ABHD15: variants seen among roughly 807,000 people sequenced by gnomAD.
ABHD15 encodes the protein abhydrolase domain containing 15.
In ABHD15, 34 loss-of-function variants were observed where a neutral mutation model predicts 34.4. The observed-to-expected ratio is 0.99, with a 90% CI of 0.75 to 1.32. ABHD15 has a LOEUF of 1.32. Ranked by LOEUF, ABHD15 falls within the 40% of genes most tolerant of loss-of-function variation. The probability of loss-of-function intolerance (pLI) is 0.00; values close to 1 mark genes in which losing one functional copy is unlikely to be tolerated. For synonymous variants in ABHD15, 314 were observed against 299.2 expected, an observed-to-expected ratio of 1.05 and a Z score of -0.51; for missense variants, 644 against 650.4, an observed-to-expected ratio of 0.99 and a Z score of 0.11.
At chr17:29,566,009 T>C (rs957163168) in intron 1 of ABHD15, 77 bp downstream of exon 1, 7 of 1,493,438 alleles carry the variant, frequency 4.7e-6, no homozygotes, top group Non-Finnish European at 6.2e-6. Context: ...TCCAATGCTA[T>C]GCATAGCTGT....
rs1428772065 is a variant in ABHD15 at position 29,566,923 on chromosome 17, A to G, written c.44T>C (p.Leu15Pro). Residue 15 changes from leucine to proline, a missense_variant, in exon 1 of 2, where the codon CTC becomes CCC. Coordinates refer to ENST00000307201, the MANE Select transcript of ABHD15 (RefSeq NM_198147.3). ...CGGGCCGAGCAGGCCGAGAAGGGCGAGCACGGCCAAGATGAGCGCGAGGGC... is the reference window on the plus strand; with the variant it reads ...CGGGCCGAGCAGGCCGAGAAGGGCGGGCACGGCCAAGATGAGCGCGAGGGC... ...GAALALILAV[L>P]ALLGLLGPRL... 2.7e-6 allele frequency: 4 copies of G among 1,482,010 alleles called. No homozygotes were observed. In the Admixed American group the frequency reaches 7.0e-5, roughly 26 times the overall value. The allele number at this position is 1,482,010 out of a possible 1,614,324, so 91.8% of individuals were successfully genotyped here.
At position 29,562,920 on chromosome 17, in the gene ABHD15, CG is replaced by C. The variant is rs1207314648; in HGVS notation, c.1047del (p.Val350CysfsTer21). 6.2e-7 allele frequency: 1 copy of C among 1,614,090 alleles called. No homozygotes were observed. Among genetic ancestry groups the C allele is most frequent in the East Asian group, 2.2e-5 (1 of 44,886 alleles). On this transcript the variant is annotated frameshift_variant, in exon 2 of 2. Transcript: ENST00000307201. LOFTEE classifies it high-confidence loss of function. The part of the protein sequence containing the change: ...NDPLRDVDEA[A>X]VPVLCICSAD... ...GCACTGCAGATACACAGCACAGGCACGGCTGCCTCATCGACATCCCGGAGCG... is the reference window on the plus strand; with the variant it reads ...GCACTGCAGATACACAGCACAGGCACGCTGCCTCATCGACATCCCGGAGCG...
At position 29,562,659 on chromosome 17, in the gene ABHD15, C is replaced by T. The variant is rs146551867; in HGVS notation, c.1309G>A (p.Gly437Arg). The T allele has an allele frequency of 6.2e-6, 10 of 1,613,990 alleles. No homozygotes were observed. In the African/African-American group the frequency reaches 1.3e-4, roughly 22 times the overall value. ...GLSRHRASFLGGRRRGGALQR... is the reference protein window; with the variant it reads ...GLSRHRASFLRGRRRGGALQR... ...AAGGCTCCCCCACGACGACGGCCCC[C>T]AAGGAAGGAAGCTCTGTGCCTGCTC... Residue 437 changes from glycine to arginine, a missense_variant, in exon 2 of 2, where the codon GGG (glycine) becomes AGG (arginine). Physicochemically the swap from Gly to Arg is moderately radical, Grantham distance 125. Coordinates refer to ENST00000307201, the MANE Select transcript of ABHD15 (RefSeq NM_198147.3).
rs1667070023 is a variant in ABHD15, at chr17:29,562,342, T to C, written c.*219A>G. ...GCTGCTGACCGGATGAGTAGGGATA[T>C]GTTGAGCAGAGGCCAGGCAGGAGTT... On this transcript the variant is annotated 3_prime_UTR_variant, in exon 2 of 2. Transcript: ENST00000307201. The C allele has an allele frequency of 2.0e-6, 1 of 499,814 alleles. No homozygotes were observed. The highest frequency in any genetic ancestry group is 3.6e-5 in the South Asian group (1 of 27,908). The allele number at this position is 499,814 out of a possible 1,614,324, so 31.0% of individuals were successfully genotyped here.
At position 29,562,404 on chromosome 17, in the gene ABHD15, T is replaced by A. The variant is rs748350698; in HGVS notation, c.*157A>T. The A allele has an allele frequency of 1.8e-5, 15 of 816,112 alleles. No individual in the cohort carries two copies. Among genetic ancestry groups the A allele is most frequent in the Non-Finnish European group, 2.7e-5 (14 of 523,804 alleles). 50.6% of individuals were successfully genotyped at this position (816,112 alleles called of 1,614,324 possible). On this transcript the variant is annotated 3_prime_UTR_variant, in exon 2 of 2. Transcript: ENST00000307201. Reference sequence around the variant, plus strand: ...GAAGTGAGTGCAGGCTCGCAGGACGTTCCTTCTCTTTCAAGGCACCAATTT... The same window carrying A: ...GAAGTGAGTGCAGGCTCGCAGGACGATCCTTCTCTTTCAAGGCACCAATTT...
rs2032638711 is a variant in ABHD15, at chr17:29,562,471, C to T, written c.*90G>A. 2 of 1,412,274 alleles carry T rather than the reference C, an allele frequency of 1.4e-6. No homozygotes were observed. Among genetic ancestry groups the T allele is most frequent in the South Asian group, 1.4e-5 (1 of 71,806 alleles). 87.5% of individuals were successfully genotyped at this position (1,412,274 alleles called of 1,614,324 possible). On this transcript the variant is annotated 3_prime_UTR_variant, in exon 2 of 2. Coordinates refer to ENST00000307201, the MANE Select transcript of ABHD15 (RefSeq NM_198147.3). ...ATGAGGAGCACAGAGCTGGAGCTCCCTCTGTTCAGTCCGCCCCATCTTTCC... is the reference window on the plus strand; with the variant it reads ...ATGAGGAGCACAGAGCTGGAGCTCCTTCTGTTCAGTCCGCCCCATCTTTCC...
rs968457352 is a variant in ABHD15, at chr17:29,561,701, T to C, written c.*860A>G. 6.6e-6 allele frequency: 1 copy of C among 152,576 alleles called. No homozygotes were observed. The highest frequency in any genetic ancestry group is 6.5e-5 in the Admixed American group (1 of 15,276). The allele number at this position is 152,576 out of a possible 1,614,324, so 9.5% of individuals were successfully genotyped here. A position where few individuals can be genotyped will look rare whatever the true frequency, so the allele number is the denominator to read the frequency against. The stretch of plus-strand genomic sequence containing the variant: ...CTTTTCCTGACTTAGAGAAAGTCCA[T>C]ATCTCAGGAGATAAACAGTTCTGGC... On this transcript the variant is annotated 3_prime_UTR_variant, in exon 2 of 2. Transcript: ENST00000307201.
rs1329597444 is a variant in ABHD15 at position 29,566,241 on chromosome 17, C to G, written c.726G>C (p.Leu242=). The change falls in exon 1 of 2, where the codon CTG becomes CTC. Residue 242 remains leucine (L), a synonymous_variant. Coordinates refer to ENST00000307201, the MANE Select transcript of ABHD15 (RefSeq NM_198147.3). ...CGCACTCGCCCAGGTAGGACAGGAG[C>G]AGCGCCGAGCCCGAGCCTTCGCTCA... ...FAVSEGSGSA[L]LLSYLGECGS... 6.2e-7 allele frequency: 1 copy of G among 1,610,558 alleles called. No homozygotes were observed.
intron 1 of ABHD15, among the ~76,000 whole-genome samples, chr17:29,563,390 A>G (rs1441560481): frequency 6.6e-6 from 1 of 151,694 alleles, no homozygotes; most frequent in African/African-American, 2.4e-5. Flanking sequence ...TCTCTAAAAA[A>G]AAAAAAAAAA....
chr17:29,566,711 C>A lies in ABHD15; in HGVS notation c.256G>T (p.Ala86Ser). ...PSALAQCLLR[A>S]LRRSEALEAG... Reference sequence around the variant, plus strand: ...TCCAGCGCCTCTGAGCGCCGCAGGGCGCGCAGCAGGCACTGGGCCAGGGCC... The same window carrying A: ...TCCAGCGCCTCTGAGCGCCGCAGGGAGCGCAGCAGGCACTGGGCCAGGGCC... Residue 86 changes from alanine (A) to serine (S), a missense_variant, in exon 1 of 2, where the codon GCC (alanine) becomes TCC (serine). By Grantham distance (99) the Ala-to-Ser change is moderately conservative. Transcript: ENST00000307201. The A allele has an allele frequency of 6.3e-7, 1 of 1,580,974 alleles. No homozygotes were observed. Among genetic ancestry groups the A allele is most frequent in the Non-Finnish European group, 8.5e-7 (1 of 1,170,000 alleles).
In ABHD15 at chr17:29,566,977, G is replaced by T. The variant is rs903011049; in HGVS notation, c.-11C>A. 5 of 1,335,234 alleles carry T rather than the reference G, an allele frequency of 3.7e-6. No individual in the cohort carries two copies. Among genetic ancestry groups the T allele is most frequent in the Non-Finnish European group, 4.8e-6 (5 of 1,051,194 alleles). 82.7% of individuals were successfully genotyped at this position (1,335,234 alleles called of 1,614,324 possible). On this transcript the variant is annotated 5_prime_UTR_variant, in exon 1 of 2. Transcript: ENST00000307201. Reference sequence around the variant, plus strand: ...GCCCCACGGCGGCATGGCGAAGCTGGAGAGCCCCGGCGGGCAGCGGGCGGC... The same window carrying T: ...GCCCCACGGCGGCATGGCGAAGCTGTAGAGCCCCGGCGGGCAGCGGGCGGC...
intron 1 of ABHD15, among the ~76,000 whole-genome samples, chr17:29,564,470 T>C (rs1441634009): frequency 6.6e-6 from 1 of 152,184 alleles, no homozygotes; most frequent in Non-Finnish European, 1.5e-5. Context: ...TCTAGACCCC[T>C]GGAGAGGGCT....
At position 29,566,945 on chromosome 17, in the gene ABHD15, G is replaced by C. The variant is rs1395310533; in HGVS notation, c.22C>G (p.Leu8Val). 2 of 1,414,544 alleles carry C rather than the reference G, an allele frequency of 1.4e-6. No individual in the cohort carries two copies. The highest frequency in any genetic ancestry group is 3.0e-5 in the East Asian group (1 of 32,838). 87.6% of individuals were successfully genotyped at this position (1,414,544 alleles called of 1,614,324 possible). Residue 8 changes from leucine (L) to valine (V), a missense_variant, in exon 1 of 2, where the codon CTC (leucine) becomes GTC (valine). Physicochemically the swap from Leu to Val is conservative, Grantham distance 32. Transcript: ENST00000307201. ...GCGAGCACGGCCAAGATGAGCGCGAGGGCGGCGCCCCACGGCGGCATGGCG... is the reference window on the plus strand; with the variant it reads ...GCGAGCACGGCCAAGATGAGCGCGACGGCGGCGCCCCACGGCGGCATGGCG... MPPWGAA[L>V]ALILAVLALL... is the part of the protein sequence containing the mutation.
rs997678620 is a variant in ABHD15, at chr17:29,561,424, C to T, written c.*1137G>A. 2 of 152,246 alleles carry T rather than the reference C, an allele frequency of 1.3e-5. No individual in the cohort carries two copies. Among genetic ancestry groups the T allele is most frequent in the African/African-American group, 4.8e-5 (2 of 41,462 alleles). The allele number at this position is 152,246 out of a possible 1,614,324, so 9.4% of individuals were successfully genotyped here. A position where few individuals can be genotyped will look rare whatever the true frequency, so the allele number is the denominator to read the frequency against. On this transcript the variant is annotated 3_prime_UTR_variant, in exon 2 of 2. Coordinates refer to ENST00000307201, the MANE Select transcript of ABHD15 (RefSeq NM_198147.3). The stretch of plus-strand genomic sequence containing the variant: ...TATTCTTCATAAAACCAAATACCCA[C>T]TTATTTGCTGAGTGGCCAGATCTAA...
chr17:29,566,843 G>A lies in ABHD15; in HGVS notation c.124C>T (p.Gln42Ter). ...GCCTCCTCCCCGTCGTCTCGGTCTT[G>A]GGCCCCCGGCAGGGTCCTCTCTCCG... ...AVGERTLPGA[Q>*]DRDDGEEADG... The change falls in exon 1 of 2, where the codon CAA becomes TAA. Residue 42 changes from glutamine to a stop codon, truncating the protein, a stop_gained. Coordinates refer to ENST00000307201, the MANE Select transcript of ABHD15 (RefSeq NM_198147.3). LOFTEE classifies it high-confidence loss of function. 6.6e-7 allele frequency: 1 copy of A among 1,513,160 alleles called. No homozygotes were observed. The allele number at this position is 1,513,160 out of a possible 1,614,324, so 93.7% of individuals were successfully genotyped here.
In ABHD15 at chr17:29,566,979, G is replaced by C; in HGVS notation, c.-13C>G. 3.1e-6 allele frequency: 4 copies of C among 1,311,258 alleles called. No homozygotes were observed. In the South Asian group the frequency reaches 9.0e-5, roughly 30 times the overall value. 81.2% of individuals were successfully genotyped at this position (1,311,258 alleles called of 1,614,324 possible). ...CCCACGGCGGCATGGCGAAGCTGGAGAGCCCCGGCGGGCAGCGGGCGGCGG... is the reference window on the plus strand; with the variant it reads ...CCCACGGCGGCATGGCGAAGCTGGACAGCCCCGGCGGGCAGCGGGCGGCGG... On this transcript the variant is annotated 5_prime_UTR_variant, in exon 1 of 2. Coordinates refer to ENST00000307201, the MANE Select transcript of ABHD15 (RefSeq NM_198147.3).
At chr17:29,565,698 C>T (rs1191886281) in intron 1 of ABHD15, among the ~76,000 whole-genome samples, 1 of 152,194 alleles carries the variant, frequency 6.6e-6, no homozygotes, top group African/African-American at 2.4e-5. Flanking sequence ...ACATTCTGGG[C>T]AGATAATCGT....
Position 29,566,425 on chromosome 17 carries a change from G to T in ABHD15, c.542C>A (p.Ala181Asp). 6.2e-7 allele frequency: 1 copy of T among 1,612,254 alleles called. No homozygotes were observed. ...GACCGGGTAGTAGCCGCGCTCCAGGGCGAGCAAGCAAAGGCCGAGCACGTT... is the reference window on the plus strand; with the variant it reads ...GACCGGGTAGTAGCCGCGCTCCAGGTCGAGCAAGCAAAGGCCGAGCACGTT... Reference protein sequence around the residue: ...TRNVLGLCLLALERGYYPVIF... With the variant: ...TRNVLGLCLLDLERGYYPVIF... The change falls in exon 1 of 2, where the codon GCC (alanine) becomes GAC (aspartate). Residue 181 changes from alanine (A) to aspartate (D), a missense_variant. Ala to Asp is a moderately radical substitution (Grantham distance 126, BLOSUM62 -2). Coordinates refer to ENST00000307201, the MANE Select transcript of ABHD15 (RefSeq NM_198147.3).
chr17:29,565,319 G>GTATA (rs140866496), intron 1 of ABHD15, among the ~76,000 whole-genome samples: 55 of 151,060 alleles, frequency 3.6e-4, no homozygotes, highest in Middle Eastern at 3.4e-3. Context: ...GCGTGTGTGT[G>GTATA]TATATATATA....
Sources: gnomAD v4.1 joint callset for allele counts (sites outside exome capture counted in the v4.1 genomes callset) on GRCh38, gnomAD v4.1.1 for gene constraint, MANE v1.5 for transcripts, NCBI Gene and HGNC (gene_info 2026-07-23, HGNC 2026-07-21) for gene names.